CFAP70: variants seen among roughly 807,000 people sequenced by gnomAD.
CFAP70 encodes cilia and flagella associated protein 70, also known as cilia- and flagella-associated protein 70.
A neutral mutation model predicts 137.6 loss-of-function variants in CFAP70; 81 were observed. That is an observed-to-expected ratio of 0.59 (90% CI 0.49 to 0.71). The LOEUF (loss-of-function observed/expected upper bound fraction) is 0.71, where lower values mean the gene tolerates loss of function less well. CFAP70 is among the 30% of genes least tolerant of loss of function. The pLI is 0.00. For synonymous variants in CFAP70, 382 were observed against 423.6 expected, an observed-to-expected ratio of 0.90 and a Z score of 1.20; for missense variants, 976 against 1,226.7, an observed-to-expected ratio of 0.80 and a Z score of 3.05.
intron 1 of CFAP70, among the ~76,000 whole-genome samples, chr10:73,357,029 T>C (rs894861776): frequency 2.0e-5 from 3 of 152,122 alleles, no homozygotes; most frequent in Admixed American, 2.0e-4. Context: ...CCAGGAGTCA[T>C]AATCTGTGAG....
intron 14 of CFAP70, 24 bp from the exon 16 acceptor site, chr10:73,297,197 T>C (rs781174184): frequency 1.4e-5 from 22 of 1,606,166 alleles, no homozygotes; most frequent in Non-Finnish European, 1.9e-5. Context: ...AGATCACCCA[T>C]CTGATAATAC....
intron 9 of CFAP70, among the ~76,000 whole-genome samples, chr10:73,316,489 T>TAGATAG (rs1402392657): frequency 9.6e-6 from 1 of 103,964 alleles, no homozygotes; most frequent in African/African-American, 3.8e-5. Context: ...TAGATATAGA[T>TAGATAG]ATATATATAT....
chr10:73,336,754 T>C (rs1171940568), intron 6 of CFAP70, among the ~76,000 whole-genome samples: 1 of 151,744 alleles, frequency 6.6e-6, no homozygotes, highest in Admixed American at 6.6e-5. Context: ...CCCGGCTAAT[T>C]TTTTGTATTT....
exon 9 of CFAP70, chr10:73,323,000 T>C (rs185972978): frequency 6.2e-7 from 1 of 1,613,732 alleles, no homozygotes; most frequent in East Asian, 2.2e-5. Context: ...AGGGTAAACA[T>C]GAAAAGCTCC....
intron 19 of CFAP70, among the ~76,000 whole-genome samples, chr10:73,288,784 A>G (rs898929512): frequency 3.3e-5 from 5 of 152,220 alleles, no homozygotes; most frequent in Admixed American, 1.3e-4. Flanking sequence ...TATGGGTCCA[A>G]TTAACTCCAC....
chr10:73,286,508 CAG>C (rs1054070657), intron 19 of CFAP70, among the ~76,000 whole-genome samples: 7 of 152,006 alleles, frequency 4.6e-5, no homozygotes, highest in African/African-American at 1.7e-4. Context: ...AGTTTACCAA[CAG>C]AGTGTCCTAT....
At chr10:73,315,771 G>T (rs554851862) in intron 9 of CFAP70, among the ~76,000 whole-genome samples, 2 of 152,158 alleles carry the variant, frequency 1.3e-5, no homozygotes, top group African/African-American at 2.4e-5. Flanking sequence ...TTGCCATTTT[G>T]CCAGGCTGGT....
At chr10:73,331,073 C>A (rs1480018710) in intron 8 of CFAP70, 104 bp downstream of exon 9, 2 of 742,668 alleles carry the variant, frequency 2.7e-6, no homozygotes, top group South Asian at 1.8e-5. Flanking sequence ...CTTAGGAGAA[C>A]AGCTATGTTC....
At chr10:73,299,453 T>C (rs111847058) in intron 13 of CFAP70, 152 bp downstream of exon 14, 2 of 648,178 alleles carry the variant, frequency 3.1e-6, no homozygotes, top group Admixed American at 2.7e-5. Context: ...CTATATGCCA[T>C]TGATCACAAA....
intron 19 of CFAP70, among the ~76,000 whole-genome samples, chr10:73,281,577 C>T (rs1345665912): frequency 6.6e-6 from 1 of 151,998 alleles, no homozygotes; most frequent in East Asian, 1.9e-4. Flanking sequence ...ATTTCCATGA[C>T]GTAAATTCTC....
At chr10:73,303,252 C>G (rs2049103030) in intron 12 of CFAP70, among the ~76,000 whole-genome samples, 1 of 151,834 alleles carries the variant, frequency 6.6e-6, no homozygotes, top group African/African-American at 2.4e-5. Context: ...GAGTCTCACT[C>G]TGTTGCCCAG....
intron 1 of CFAP70, among the ~76,000 whole-genome samples, chr10:73,358,231 T>C: frequency 6.6e-6 from 1 of 152,238 alleles, no homozygotes; most frequent in Non-Finnish European, 1.5e-5. Context: ...CCTGGCACCA[T>C]GTCTTGTACA....
At chr10:73,324,146 G>A (rs2051151073) in intron 8 of CFAP70, among the ~76,000 whole-genome samples, 1 of 152,182 alleles carries the variant, frequency 6.6e-6, no homozygotes, top group Admixed American at 6.5e-5. Flanking sequence ...AACTTCCAGA[G>A]GAACGATCAG....
exon 19 of CFAP70, chr10:73,291,359 A>C (rs755165444): frequency 3.7e-6 from 6 of 1,614,112 alleles, no homozygotes; most frequent in Non-Finnish European, 5.1e-6. Context: ...CTTGTGCCTG[A>C]AGCATCCGTG....
chr10:73,262,013 T>C (rs1245441754), intron 25 of CFAP70, among the ~76,000 whole-genome samples: 5 of 145,190 alleles, frequency 3.4e-5, no homozygotes, highest in Admixed American at 2.8e-4. Context: ...CATATGTATA[T>C]ATGTATATAT....
At chr10:73,257,281 A>G (rs2044618375) in intron 25 of CFAP70, among the ~76,000 whole-genome samples, 1 of 152,160 alleles carries the variant, frequency 6.6e-6, no homozygotes, top group Non-Finnish European at 1.5e-5. Context: ...TAACTACTAC[A>G]TTACTCTGTC....
At chr10:73,269,323 T>G (rs1487790500) in intron 25 of CFAP70, among the ~76,000 whole-genome samples, 1 of 152,216 alleles carries the variant, frequency 6.6e-6, no homozygotes, top group East Asian at 1.9e-4. Flanking sequence ...GAAACACTAG[T>G]AGAACATCTC....
chr10:73,270,506 TTCCCCTCCCCTCCCCTCCCCCTCCCC>T (rs2046193484), intron 24 of CFAP70, among the ~76,000 whole-genome samples: 6 of 2,348 alleles, frequency 2.6e-3, no homozygotes, highest in Admixed American at 6.3e-3. Flanking sequence ...TTCCCTTCCC[TTCCCCTCCCCTCCCCTCCCCCTCCCC>T]TCCCCTCCCC....
chr10:73,310,198 C>T (rs773279647), exon 12 of CFAP70: 1 of 1,613,172 alleles, frequency 6.2e-7, no homozygotes, highest in South Asian at 1.1e-5. Context: ...GGAACCAAGG[C>T]TTTGTCCAGC....
Sources: allele counts gnomAD v4.1 joint callset (sites outside exome capture counted in the v4.1 genomes callset), GRCh38; gene constraint gnomAD v4.1.1; transcripts MANE v1.5; gene names NCBI Gene and HGNC (gene_info 2026-07-23, HGNC 2026-07-21).